The following PAPSS2 variants were observed in gnomAD, a reference collection of about 807,000 sequenced individuals.
PAPSS2 encodes the protein bifunctional 3'-phosphoadenosine 5'-phosphosulfate synthase 2.
A neutral mutation model predicts 66.5 loss-of-function variants in PAPSS2; 61 were observed. The observed-to-expected ratio is 0.92, with a 90% CI of 0.75 to 1.14. PAPSS2 has a LOEUF of 1.14. PAPSS2 is among the 50% of genes most tolerant of loss of function. The pLI, the probability that PAPSS2 is intolerant of heterozygous loss-of-function variation, is 0.00. For synonymous variants in PAPSS2, 289 were observed against 287.5 expected, an observed-to-expected ratio of 1.01 and a Z score of -0.05; for missense variants, 708 against 789.6, an observed-to-expected ratio of 0.90 and a Z score of 1.24.
At chr10:87,730,647 A>G (rs1047443343) in intron 9 of PAPSS2, among the ~76,000 whole-genome samples, 86 of 152,216 alleles carry the variant, frequency 5.6e-4, no homozygotes, top group African/African-American at 2.1e-3. Flanking sequence ...TTGAATAGCC[A>G]TCTTGAACTA....
chr10:87,745,780 A>G, intron 12 of PAPSS2, 52 bp from the exon 13 acceptor site: 3 of 1,597,626 alleles, frequency 1.9e-6, no homozygotes, highest in South Asian at 2.2e-5. Context: ...AGGAATCCTT[A>G]AGGCAGATAT....
Position 87,713,196 on chromosome 10 carries a change from C to T in PAPSS2, c.267C>T (p.Leu89=), listed in dbSNP as rs144784084. The change falls in exon 3 of 13, where the codon CTC becomes CTT. Residue 89 remains leucine (L), a synonymous_variant. Coordinates refer to ENST00000456849, the MANE Select transcript of PAPSS2 (RefSeq NM_001015880.2). ...TCCGTCATGGCCTTAACAGAAATCT[C>T]GGATTCTCTCCTGGGGACAGAGAGG... ...DNVRHGLNRN[L]GFSPGDREEN... 1,008 of 1,610,840 alleles carry T rather than the reference C, an allele frequency of 6.3e-4. 15 individuals carry two copies. The East Asian group carries it at 0.018, about 29-fold the overall frequency.
rs1360800186 is a variant in PAPSS2, at chr10:87,709,250, A to G, written c.82A>G (p.Asn28Asp). The G allele has an allele frequency of 1.4e-5, 23 of 1,613,524 alleles. No individual in the cohort carries two copies. The highest frequency in any genetic ancestry group is 1.9e-5 in the Non-Finnish European group (22 of 1,179,680). The stretch of plus-strand genomic sequence containing the variant: ...CTATCAGGCCCACCATGTGAGCAGG[A>G]ATAAGAGAGGGCAAGTGGTTGGAAC... ...VVYQAHHVSRNKRGQVVGTRG... is the reference protein window; with the variant it reads ...VVYQAHHVSRDKRGQVVGTRG... Residue 28 changes from asparagine (N) to aspartate (D), a missense_variant, in exon 2 of 13, where the codon AAT becomes GAT. Transcript: ENST00000456849.
intron 1 of PAPSS2, among the ~76,000 whole-genome samples, chr10:87,690,232 A>G (rs1853155660): frequency 6.6e-6 from 1 of 152,228 alleles, no homozygotes; most frequent in Non-Finnish European, 1.5e-5. Context: ...ATATTCATAC[A>G]CCGGAACATT....
chr10:87,675,615 A>G (rs907146937), intron 1 of PAPSS2, among the ~76,000 whole-genome samples: 2 of 152,166 alleles, frequency 1.3e-5, no homozygotes, highest in African/African-American at 2.4e-5. Context: ...CATGGGTTTT[A>G]TGCTTCCCTG....
intron 1 of PAPSS2, among the ~76,000 whole-genome samples, chr10:87,667,992 G>T (rs567244433): frequency 1.3e-5 from 2 of 152,208 alleles, no homozygotes; most frequent in Admixed American, 6.5e-5. Context: ...ACAATTTTAT[G>T]TTGGGTGTGT....
intron 1 of PAPSS2, among the ~76,000 whole-genome samples, chr10:87,693,227 G>A (rs146459653): frequency 6.6e-6 from 1 of 152,260 alleles, no homozygotes; most frequent in African/African-American, 2.4e-5. Context: ...ATAAAATGAG[G>A]CCTTGAGCCA....
chr10:87,745,746 G>A (rs1458458364), intron 12 of PAPSS2, 86 bp from the exon 13 acceptor site: 8 of 1,359,608 alleles, frequency 5.9e-6, no homozygotes, highest in Non-Finnish European at 8.4e-6. Context: ...AAGAACATGG[G>A]TCTCAAAAAC....
In PAPSS2 at chr10:87,745,826, T is replaced by G. The variant is rs537589618; in HGVS notation, c.1722-6T>G. 1.5e-5 allele frequency: 24 copies of G among 1,613,990 alleles called. No individual in the cohort carries two copies. In the East Asian group the frequency reaches 4.7e-4, roughly 31 times the overall value. On this transcript the variant is annotated splice_polypyrimidine_tract_variant and splice_region_variant and intron_variant, in intron 12 of 12. Transcript: ENST00000456849. The stretch of plus-strand genomic sequence containing the variant: ...CACTGAGTTCTTTGTTGCCACCCTG[T>G]AACAGGCACAATGAGTTTGACTTCA...
At chr10:87,712,371 G>A (rs2131934065) in intron 2 of PAPSS2, among the ~76,000 whole-genome samples, 1 of 152,302 alleles carries the variant, frequency 6.6e-6, no homozygotes, top group Admixed American at 6.5e-5. Flanking sequence ...GCTGATTGCT[G>A]ACTTTGAAGG....
chr10:87,702,076 A>T (rs1371857350), intron 1 of PAPSS2, among the ~76,000 whole-genome samples: 1 of 152,248 alleles, frequency 6.6e-6, no homozygotes, highest in African/African-American at 2.4e-5. Context: ...AGGAATAAAT[A>T]TATAATTGTG....
intron 1 of PAPSS2, among the ~76,000 whole-genome samples, chr10:87,684,228 C>T (rs1293129836): frequency 6.6e-6 from 1 of 152,230 alleles, no homozygotes; most frequent in African/African-American, 2.4e-5. Context: ...CCCTCAGGAG[C>T]TAGGTTTTTG....
chr10:87,660,339 C>G, intron 1 of PAPSS2: 1 of 508,894 alleles, frequency 2.0e-6, no homozygotes. Flanking sequence ...TTCCCAAGAG[C>G]TCTTCCAGAC....
At chr10:87,722,840 A>G (rs965299098) in intron 8 of PAPSS2, among the ~76,000 whole-genome samples, 6 of 152,254 alleles carry the variant, frequency 3.9e-5, no homozygotes, top group Non-Finnish European at 8.8e-5. Context: ...CTACAGGCTT[A>G]TAAGATCAGT....
chr10:87,729,402 A>T (rs1202862797), intron 9 of PAPSS2, among the ~76,000 whole-genome samples: 1 of 152,058 alleles, frequency 6.6e-6, no homozygotes, highest in East Asian at 1.9e-4. Context: ...TGTTATGGTG[A>T]TCTACGGTTA....
chr10:87,744,175 G>A (rs1853909220), intron 11 of PAPSS2, among the ~76,000 whole-genome samples: 1 of 152,180 alleles, frequency 6.6e-6, no homozygotes, highest in Non-Finnish European at 1.5e-5. Flanking sequence ...ATGGAAGTTG[G>A]CAAGTGAATG....
intron 1 of PAPSS2, among the ~76,000 whole-genome samples, chr10:87,704,395 A>T (rs1392874313): frequency 6.6e-6 from 1 of 152,250 alleles, no homozygotes. Flanking sequence ...GAAGATTAAC[A>T]GAGCTTGGAG....
rs747614917 is a variant in PAPSS2 at position 87,714,862 on chromosome 10, A to G, written c.638A>G (p.Gln213Arg). 2 of 1,580,366 alleles carry G rather than the reference A, an allele frequency of 1.3e-6. No homozygotes were observed. The highest frequency in any genetic ancestry group is 1.1e-5 in the South Asian group (1 of 90,390). ...VHQVVELLQEQNIVPYTIIKD... is the reference protein window; with the variant it reads ...VHQVVELLQERNIVPYTIIKD... Reference sequence around the variant, plus strand: ...CAGGTAGTGGAACTTCTGCAAGAGCAGGTAGGTGAACCGGTTGTCTTTTTT... The same window carrying G: ...CAGGTAGTGGAACTTCTGCAAGAGCGGGTAGGTGAACCGGTTGTCTTTTTT... The change falls in exon 5 of 13, where the codon CAG (glutamine) becomes CGG (arginine). Residue 213 changes from glutamine (Q) to arginine (R), a missense_variant and splice_region_variant. By Grantham distance (43) the Gln-to-Arg change is conservative (BLOSUM62 1). Coordinates refer to ENST00000456849, the MANE Select transcript of PAPSS2 (RefSeq NM_001015880.2).
intron 1 of PAPSS2, chr10:87,660,369 G>A (rs1237977547): frequency 2.4e-6 from 1 of 417,944 alleles, no homozygotes; most frequent in Non-Finnish European, 4.3e-6. Context: ...CTTCTGTAGG[G>A]TCTCGGAGCA....
Sources: allele counts gnomAD v4.1 joint callset (sites outside exome capture counted in the v4.1 genomes callset), GRCh38; gene constraint gnomAD v4.1.1; transcripts MANE v1.5; gene names NCBI Gene and HGNC (gene_info 2026-07-23, HGNC 2026-07-21).